PWWP2A: variants seen among roughly 807,000 people sequenced by gnomAD.
PWWP2A encodes the protein PWWP domain containing 2A, also known as PWWP domain-containing protein 2A.
In PWWP2A, 18 loss-of-function variants were observed where a neutral mutation model predicts 48.5. The ratio of observed to expected loss-of-function variants is 0.37; its 90% confidence interval spans 0.26 to 0.55. The LOEUF is 0.55. Ranked by LOEUF, PWWP2A falls within the 20% of genes least tolerant of loss-of-function variation. The probability of loss-of-function intolerance (pLI) is 0.81; values close to 1 mark genes in which losing one functional copy is unlikely to be tolerated. For synonymous variants in PWWP2A, 396 were observed against 387.7 expected, an observed-to-expected ratio of 1.02 and a Z score of -0.25; for missense variants, 867 against 976.4, an observed-to-expected ratio of 0.89 and a Z score of 1.49.
At chr5:160,090,943 T>C (rs6861814), downstream of PWWP2A, 2,482 of 984,950 alleles carry the variant, frequency 2.5e-3, 42 homozygotes, top group African/African-American at 0.039. Context: ...TGTAGAAAAA[T>C]AGTAAGCTAA....
At chr5:160,071,648 C>T (rs1753741612), downstream of PWWP2A, among the ~76,000 whole-genome samples, 1 of 152,164 alleles carries the variant, frequency 6.6e-6, no homozygotes, top group Non-Finnish European at 1.5e-5. Flanking sequence ...TCTTGACGAG[C>T]CCTCATCCGT....
intron 1 of PWWP2A, among the ~76,000 whole-genome samples, chr5:160,111,093 G>A (rs1004761715): frequency 1.3e-5 from 2 of 152,064 alleles, no homozygotes; most frequent in Non-Finnish European, 2.9e-5. Flanking sequence ...GGCAAGGAGG[G>A]AGGATTACTA....
chr5:160,117,489 T>C (rs1171083954), intron 1 of PWWP2A, among the ~76,000 whole-genome samples: 1 of 152,044 alleles, frequency 6.6e-6, no homozygotes, highest in Non-Finnish European at 1.5e-5. Context: ...ATCCCGGCTC[T>C]AGTTAAAAAA....
the PWWP2A span, chr5:160,049,657 T>C: frequency 6.3e-7 from 1 of 1,575,734 alleles, no homozygotes; most frequent in Non-Finnish European, 8.6e-7. Context: ...AAGAGAAGCT[T>C]GTATGGTAAA....
rs138517910 is a variant in PWWP2A, at chr5:160,104,252, C to T, written c.585-10187G>A. The stretch of plus-strand genomic sequence containing the variant: ...CAGGAATTTTGAGATCAGCCTGGGC[C>T]ACACAGGGAGACCCTGCCTCTACAA... On this transcript the variant is annotated intron_variant, in intron 1 of 1. Transcript: ENST00000307063. Among the ~76,000 whole-genome samples the T allele has an allele frequency of 1.9e-3, 295 of 151,854 alleles. 4 individuals are homozygous for T. The highest frequency in any genetic ancestry group is 6.8e-3 in the Middle Eastern group (2 of 294).
downstream of PWWP2A, among the ~76,000 whole-genome samples, chr5:160,073,032 A>T (rs958725872): frequency 1.4e-3 from 164 of 121,146 alleles, 2 homozygotes; most frequent in East Asian, 0.015. Context: ...AAAAAAAAAA[A>T]ATCCTAACAT....
chr5:160,087,799 G>A (rs1214108442), downstream of PWWP2A, among the ~76,000 whole-genome samples: 4 of 152,282 alleles, frequency 2.6e-5, no homozygotes, highest in Non-Finnish European at 5.9e-5. Context: ...ATGCCACAAG[G>A]AAAGGAAAAC....
Position 160,092,460 on chromosome 5 carries a change from C to T in PWWP2A, c.2190G>A (p.Lys730=). The change falls in exon 2 of 2, where the codon AAG becomes AAA. Residue 730 remains lysine, a synonymous_variant. Coordinates refer to ENST00000307063, the MANE Select transcript of PWWP2A (RefSeq NM_001130864.2). ...CAGCCTTAGCTGCCTCTGTGATAGC[C>T]TTGCGATACAGGCCCTTTCTCTTCT... ...FNKKRKGLYR[K]AITEAAKAAK... is the part of the protein sequence containing the mutation. 2.6e-6 allele frequency: 4 copies of T among 1,551,640 alleles called. No homozygotes were observed. The highest frequency in any genetic ancestry group is 1.2e-5 in the South Asian group (1 of 84,064).
intron 4 of PWWP2A, among the ~76,000 whole-genome samples, chr5:160,065,954 C>T (rs1295294933): frequency 6.6e-6 from 1 of 152,146 alleles, no homozygotes; most frequent in Non-Finnish European, 1.5e-5. Flanking sequence ...GAGAAGCTTG[C>T]AGTTGCTCTG....
At chr5:160,074,968 A>G (rs1753833349), downstream of PWWP2A, among the ~76,000 whole-genome samples, 1 of 151,992 alleles carries the variant, frequency 6.6e-6, no homozygotes, top group South Asian at 2.1e-4. Flanking sequence ...TCTTTACTTG[A>G]AAAAGGAAAA....
the PWWP2A span, among the ~76,000 whole-genome samples, chr5:160,048,951 A>C: frequency 6.4e-5 from 1 of 15,720 alleles, no homozygotes; most frequent in South Asian, 2.4e-3. Flanking sequence ...ACTCCGTCTA[A>C]AAAAAAAAAA....
chr5:160,086,662 G>C (rs555429400), downstream of PWWP2A, among the ~76,000 whole-genome samples: 28 of 152,258 alleles, frequency 1.8e-4, no homozygotes, highest in African/African-American at 6.7e-4. Flanking sequence ...GGAGGCCGAG[G>C]CGGGTGGATC....
At chr5:160,085,189 C>T (rs1306292436) in intron 2 of PWWP2A, among the ~76,000 whole-genome samples, 1 of 151,830 alleles carries the variant, frequency 6.6e-6, no homozygotes, top group South Asian at 2.1e-4. Context: ...CCACCATGCC[C>T]AGCTAATTTT....
the PWWP2A span, among the ~76,000 whole-genome samples, chr5:160,052,547 G>GAA: frequency 2.1e-3 from 14 of 6,586 alleles, no homozygotes; most frequent in African/African-American, 7.2e-4. Context: ...CTCTATTTTA[G>GAA]CAAAAAAAAA....
downstream of PWWP2A, chr5:160,091,118 A>G (rs960669026): frequency 3.0e-6 from 3 of 983,610 alleles, no homozygotes; most frequent in African/African-American, 5.2e-5. Context: ...TATCAAATCT[A>G]AAAGCATTAT....
the PWWP2A span, among the ~76,000 whole-genome samples, chr5:160,045,520 A>ACC: frequency 3.6e-5 from 2 of 54,882 alleles, no homozygotes; most frequent in Non-Finnish European, 3.3e-5. Flanking sequence ...ACACATACAC[A>ACC]CTCTCTCTCT....
At chr5:160,111,941 A>G (rs1423745131) in intron 1 of PWWP2A, among the ~76,000 whole-genome samples, 1 of 151,976 alleles carries the variant, frequency 6.6e-6, no homozygotes, top group East Asian at 1.9e-4. Context: ...AGCCTGGGCA[A>G]CAAAGCGAAA....
chr5:160,070,560 T>G (rs114958305), intron 2 of PWWP2A, among the ~76,000 whole-genome samples: 61 of 152,222 alleles, frequency 4.0e-4, no homozygotes, highest in African/African-American at 1.1e-3. Flanking sequence ...TTGTTGTGGT[T>G]GTTTTTTAGC....
At chr5:160,054,925 G>C in the PWWP2A span, among the ~76,000 whole-genome samples, 461 of 152,336 alleles carry the variant, frequency 3.0e-3, 4 homozygotes, top group African/African-American at 0.011. Context: ...AAGCTCCTCT[G>C]CTCAACTGTA....
Sources: gnomAD v4.1 joint callset for allele counts (sites outside exome capture counted in the v4.1 genomes callset) on GRCh38, gnomAD v4.1.1 for gene constraint, MANE v1.5 for transcripts, NCBI Gene and HGNC (gene_info 2026-07-23, HGNC 2026-07-21) for gene names.